Variants in LCMT1 observed in about 807,000 individuals in gnomAD.
LCMT1 encodes the protein leucine carboxyl methyltransferase 1, also known as [Phosphatase 2A protein]-leucine-carboxy methyltransferase 1.
A neutral mutation model predicts 47.7 loss-of-function variants in LCMT1; 32 were observed. The ratio of observed to expected loss-of-function variants is 0.67; its 90% CI spans 0.51 to 0.90. The LOEUF (loss-of-function observed/expected upper bound fraction) is 0.90, where lower values mean the gene tolerates loss of function less well. Ranked by LOEUF, LCMT1 falls within the 40% of genes least tolerant of loss-of-function variation. The pLI, the probability that LCMT1 is intolerant of heterozygous loss-of-function variation, is 0.00. For synonymous variants in LCMT1, 152 were observed against 149.7 expected, an observed-to-expected ratio of 1.02 and a Z score of -0.11; for missense variants, 375 against 415.2, an observed-to-expected ratio of 0.90 and a Z score of 0.84.
intron 10 of LCMT1, 37 bp from the exon 11 acceptor site, chr16:25,177,964 G>C: frequency 6.2e-7 from 1 of 1,609,966 alleles, no homozygotes; most frequent in Non-Finnish European, 8.5e-7. Context: ...CTGGCCACCA[G>C]AGTCTCCTAA....
chr16:25,115,438 T>C (rs994808980), intron 1 of LCMT1, among the ~76,000 whole-genome samples: 2 of 152,210 alleles, frequency 1.3e-5, no homozygotes, highest in Non-Finnish European at 2.9e-5. Context: ...GGTGGCTTGG[T>C]GCCGCTACGA....
chr16:25,172,166 G>T (rs914632154), intron 9 of LCMT1, among the ~76,000 whole-genome samples: 1 of 152,184 alleles, frequency 6.6e-6, no homozygotes, highest in East Asian at 1.9e-4. Context: ...AATTAGCTGG[G>T]CATGGTGGCG....
chr16:25,167,433 T>G (rs1961620134), intron 7 of LCMT1, among the ~76,000 whole-genome samples: 1 of 152,000 alleles, frequency 6.6e-6, no homozygotes, highest in Non-Finnish European at 1.5e-5. Context: ...TCCTCCCACC[T>G]TAGTCTCCCA....
intron 7 of LCMT1, 79 bp downstream of exon 7, chr16:25,164,797 C>A: frequency 6.4e-7 from 1 of 1,567,762 alleles, no homozygotes; most frequent in Non-Finnish European, 8.8e-7. Flanking sequence ...CTTAGGATAA[C>A]TTCCCTTATC....
chr16:25,142,869 A>C (rs1960735479), intron 4 of LCMT1: 1 of 152,340 alleles, frequency 6.6e-6, no homozygotes, highest in Non-Finnish European at 1.5e-5. Flanking sequence ...AAAATGGGCC[A>C]TCTGGGCGAG....
In LCMT1 at chr16:25,178,082, C is replaced by T. The variant is rs755660595; in HGVS notation, c.*59C>T. On this transcript the variant is annotated 3_prime_UTR_variant, in exon 11 of 11. Transcript: ENST00000399069. ...AGCCACTTGCCCTCCTGGAGGAGAC[C>T]TGCAAGCTCCCTGAGCGGTGGGCGG... is the stretch of plus-strand genomic sequence containing the variant. 1.6e-5 allele frequency: 25 copies of T among 1,566,568 alleles called. No homozygotes were observed. The highest frequency in any genetic ancestry group is 1.7e-4 in the Middle Eastern group (1 of 5,994).
At chr16:25,119,160 A>G (rs574210814) in intron 1 of LCMT1, among the ~76,000 whole-genome samples, 7 of 152,188 alleles carry the variant, frequency 4.6e-5, no homozygotes, top group Admixed American at 4.6e-4. Flanking sequence ...GAGTTGATAG[A>G]ATGTTCTGGC....
rs755625440 is a variant in LCMT1 at position 25,175,016 on chromosome 16, AAAG to A, written c.965_967del (p.Lys322_Gly323delinsArg). The A allele has an allele frequency of 1.8e-5, 29 of 1,606,262 alleles. No homozygotes were observed. The African/African-American group carries it at 3.5e-4, about 19-fold the overall frequency. On this transcript the variant is annotated inframe_deletion, in exon 10 of 11. Coordinates refer to ENST00000399069, the MANE Select transcript of LCMT1 (RefSeq NM_016309.3). ...GCATTACTGCCTTTGCTGGGCAACC[AAAG>A]GAGGAAATGAGCTTGGTGCGTGATT...
intron 5 of LCMT1, among the ~76,000 whole-genome samples, chr16:25,156,300 G>A (rs1419604870): frequency 6.6e-6 from 1 of 152,122 alleles, no homozygotes; most frequent in Non-Finnish European, 1.5e-5. Context: ...TGCCATGTAA[G>A]CTTCCTGAGA....
chr16:25,146,494 A>C (rs1960861787), intron 4 of LCMT1: 1 of 152,354 alleles, frequency 6.6e-6, no homozygotes, highest in Non-Finnish European at 1.5e-5. Context: ...GTCTTCGATT[A>C]GTTGGTCTCC....
chr16:25,120,220 G>T (rs1003144793), intron 1 of LCMT1, among the ~76,000 whole-genome samples: 2 of 150,294 alleles, frequency 1.3e-5, no homozygotes, highest in Non-Finnish European at 3.0e-5. Flanking sequence ...AATTTTATGG[G>T]TTTTTTTGTT....
chr16:25,139,991 T>G (rs1960631200), intron 3 of LCMT1, 180 bp from the exon 4 acceptor site: 1 of 579,526 alleles, frequency 1.7e-6, no homozygotes, highest in Non-Finnish European at 3.1e-6. Flanking sequence ...TACCTTCATC[T>G]GTGCTTGCTT....
chr16:25,111,911 A>G lies in LCMT1; in HGVS notation c.28A>G (p.Ile10Val), dbSNP rs779481696. The change falls in exon 1 of 11, where the codon ATC becomes GTC. Residue 10 changes from isoleucine to valine, a missense_variant. Ile to Val is a conservative substitution (Grantham distance 29, BLOSUM62 3). Transcript: ENST00000399069. ...GGCCACTAGGCAGAGGGAATCCTCT[A>G]TCACCTCCTGCTGTTCCACCTCGAG... is the stretch of plus-strand genomic sequence containing the variant. MATRQRESS[I>V]TSCCSTSSCD... 66 of 1,613,310 alleles carry G rather than the reference A, an allele frequency of 4.1e-5. No homozygotes were observed. The Middle Eastern group carries it at 5.1e-3, about 125-fold the overall frequency.
intron 3 of LCMT1, among the ~76,000 whole-genome samples, chr16:25,138,095 C>T (rs972038347): frequency 1.3e-5 from 2 of 152,212 alleles, no homozygotes; most frequent in Non-Finnish European, 2.9e-5. Flanking sequence ...CCAGCGAAGC[C>T]ATCACCAGGT....
At chr16:25,134,543 G>T (rs910965723) in intron 3 of LCMT1, among the ~76,000 whole-genome samples, 1 of 152,122 alleles carries the variant, frequency 6.6e-6, no homozygotes, top group African/African-American at 2.4e-5. Context: ...AGCCTCTGTG[G>T]TTTTTCAGGA....
At chr16:25,149,908 CT>C (rs1175600600) in intron 4 of LCMT1, among the ~76,000 whole-genome samples, 1 of 98,932 alleles carries the variant, frequency 1.0e-5, no homozygotes, top group Non-Finnish European at 1.8e-5. Context: ...GCAAGACTGT[CT>C]CAAAAAAAAA....
At chr16:25,166,034 C>T (rs894231329) in intron 7 of LCMT1, among the ~76,000 whole-genome samples, 1 of 151,498 alleles carries the variant, frequency 6.6e-6, no homozygotes, top group African/African-American at 2.4e-5. Context: ...TTAGGGAGGC[C>T]AAGGAGGGCA....
intron 3 of LCMT1, among the ~76,000 whole-genome samples, chr16:25,132,858 C>CTTTTTTTTTTTTTTTTT (rs34311865): frequency 7.1e-6 from 1 of 140,610 alleles, no homozygotes; most frequent in African/African-American, 2.7e-5. Flanking sequence ...GCATTTGTAA[C>CTTTTTTTTTTTTTTTTT]TTTTTTTTTT....
intron 5 of LCMT1, among the ~76,000 whole-genome samples, chr16:25,151,916 G>T (rs1226885536): frequency 6.9e-6 from 1 of 144,936 alleles, no homozygotes; most frequent in Non-Finnish European, 1.5e-5. Flanking sequence ...TGCTCAGCCA[G>T]GTGGGTGAAC....
Sources: allele counts gnomAD v4.1 joint callset (sites outside exome capture counted in the v4.1 genomes callset), GRCh38; gene constraint gnomAD v4.1.1; transcripts MANE v1.5; gene names NCBI Gene and HGNC (gene_info 2026-07-23, HGNC 2026-07-21).